The following CD9 variants were observed in gnomAD, a reference collection of about 807,000 sequenced individuals.
CD9 encodes the protein CD9 antigen.
A neutral mutation model predicts 31.4 loss-of-function variants in CD9; 10 were observed. The observed-to-expected ratio is 0.32, with a 90% CI of 0.20 to 0.54. CD9 has a LOEUF of 0.54. Ranked by LOEUF, CD9 falls within the 20% of genes least tolerant of loss-of-function variation. CD9 has a pLI of 0.94. For synonymous variants in CD9, 113 were observed against 114.1 expected (o/e 0.99, Z 0.06); for missense variants, 259 against 300.1 (o/e 0.86, Z 1.01).
intron 1 of CD9, among the ~76,000 whole-genome samples, chr12:6,221,690 C>T (rs747000490): frequency 9.2e-5 from 14 of 151,668 alleles, no homozygotes; most frequent in East Asian, 3.9e-4. Context: ...ATTAAAGTAG[C>T]TGAAGCTGGG....
intron 1 of CD9, among the ~76,000 whole-genome samples, chr12:6,213,556 G>C (rs1284253677): frequency 6.6e-6 from 1 of 152,156 alleles, no homozygotes; most frequent in Non-Finnish European, 1.5e-5. Flanking sequence ...CACCAAGAAG[G>C]GTGGCCTCAA....
intron 4 of CD9, chr12:6,234,296 AGAGATGCT>A (rs1946488150): frequency 6.6e-6 from 1 of 152,056 alleles, no homozygotes; most frequent in Admixed American, 6.6e-5. Flanking sequence ...GGGAAGGAAG[AGAGATGCT>A]GAGATGCTGG....
intron 1 of CD9, among the ~76,000 whole-genome samples, chr12:6,218,537 G>T (rs1946263802): frequency 6.6e-6 from 1 of 152,136 alleles, no homozygotes; most frequent in Non-Finnish European, 1.5e-5. Context: ...ACCTCCCCAG[G>T]TTCTAACTGG....
At chr12:6,219,102 T>A (rs1356541753) in intron 1 of CD9, among the ~76,000 whole-genome samples, 1 of 151,838 alleles carries the variant, frequency 6.6e-6, no homozygotes, top group African/African-American at 2.4e-5. Flanking sequence ...GGCTCCCGGG[T>A]TCAAGTGATT....
At chr12:6,201,238 A>G (rs1401626980) in intron 1 of CD9, among the ~76,000 whole-genome samples, 1 of 152,208 alleles carries the variant, frequency 6.6e-6, no homozygotes, top group Non-Finnish European at 1.5e-5. Flanking sequence ...ACTCCCTGGT[A>G]GCTCCCTGAA....
intron 1 of CD9, among the ~76,000 whole-genome samples, chr12:6,214,697 TGAG>T (rs1348247358): frequency 6.6e-6 from 1 of 151,930 alleles, no homozygotes; most frequent in East Asian, 1.9e-4. Context: ...CGGGGAGGTT[TGAG>T]GAGAAGTCCA....
At chr12:6,207,914 A>G (rs1479188063) in intron 1 of CD9, among the ~76,000 whole-genome samples, 1 of 152,220 alleles carries the variant, frequency 6.6e-6, no homozygotes, top group Non-Finnish European at 1.5e-5. Context: ...AGTGGCTCTT[A>G]TGAGCTCTGC....
chr12:6,201,939 G>T (rs527988556), intron 1 of CD9, among the ~76,000 whole-genome samples: 2 of 152,356 alleles, frequency 1.3e-5, no homozygotes, highest in East Asian at 3.9e-4. Context: ...TCAGGAGGCT[G>T]AGATGAGAGG....
At chr12:6,234,713 CTG>C (rs1946493165) in intron 4 of CD9, among the ~76,000 whole-genome samples, 1 of 152,224 alleles carries the variant, frequency 6.6e-6, no homozygotes, top group Non-Finnish European at 1.5e-5. Flanking sequence ...CAGATTTACT[CTG>C]TACTGGACAT....
At chr12:6,211,883 A>G (rs986349998) in intron 1 of CD9, among the ~76,000 whole-genome samples, 1 of 152,158 alleles carries the variant, frequency 6.6e-6, no homozygotes, top group Non-Finnish European at 1.5e-5. Flanking sequence ...CTCCCTCCCA[A>G]TCAGCCCCAA....
intron 2 of CD9, among the ~76,000 whole-genome samples, chr12:6,228,286 G>A (rs1263246687): frequency 1.3e-5 from 2 of 152,208 alleles, no homozygotes; most frequent in South Asian, 2.1e-4. Flanking sequence ...CAGGTGATCC[G>A]TCCGCCTCAG....
At chr12:6,205,706 C>T (rs979865548) in intron 1 of CD9, among the ~76,000 whole-genome samples, 1 of 152,208 alleles carries the variant, frequency 6.6e-6, no homozygotes, top group African/African-American at 2.4e-5. Flanking sequence ...GGGTTTGGAA[C>T]TTAATAATAC....
chr12:6,225,626 G>A, intron 2 of CD9, 92 bp downstream of exon 2: 1 of 779,638 alleles, frequency 1.3e-6, no homozygotes, highest in Non-Finnish European at 2.2e-6. Flanking sequence ...AGGGACTTGG[G>A]CTTGGGAAAG....
At chr12:6,228,421 G>A (rs772542206) in intron 2 of CD9, among the ~76,000 whole-genome samples, 41 of 151,882 alleles carry the variant, frequency 2.7e-4, no homozygotes, top group South Asian at 2.3e-3. Flanking sequence ...GCGTAGTGGC[G>A]TGCACCTATA....
intron 1 of CD9, among the ~76,000 whole-genome samples, chr12:6,215,077 C>T (rs1412915217): frequency 2.0e-5 from 3 of 152,110 alleles, no homozygotes; most frequent in Non-Finnish European, 4.4e-5. Context: ...GTTCCCTCCC[C>T]GTGGCTCACA....
chr12:6,214,837 G>T lies in CD9; in HGVS notation c.67-10589G>T, dbSNP rs548366183. 1.6e-4 allele frequency among the ~76,000 whole-genome samples: 24 copies of T among 152,180 alleles called. 1 individual carries two copies. The highest frequency in any genetic ancestry group is 1.0e-3 in the Admixed American group (16 of 15,280). ...TCTCACGGGCCCACTGAGTCACCAG[G>T]GCCTGTTACCAGAGGAGAGTTCACG... On this transcript the variant is annotated intron_variant, in intron 1 of 7. Transcript: ENST00000009180.
chr12:6,211,553 G>A (rs971204598), intron 1 of CD9, among the ~76,000 whole-genome samples: 2 of 152,244 alleles, frequency 1.3e-5, no homozygotes, highest in Non-Finnish European at 2.9e-5. Flanking sequence ...ACGCACGCAC[G>A]TGGCGGCCAA....
At chr12:6,223,012 A>G (rs761330659) in intron 1 of CD9, among the ~76,000 whole-genome samples, 2 of 152,250 alleles carry the variant, frequency 1.3e-5, no homozygotes, top group Non-Finnish European at 2.9e-5. Context: ...TAGAGCAAAA[A>G]GGACAGTAAT....
At position 6,218,752 on chromosome 12, in the gene CD9, G is replaced by A. The variant is rs150508938; in HGVS notation, c.67-6674G>A. Among the ~76,000 whole-genome samples the A allele has an allele frequency of 1.3e-3, 198 of 152,188 alleles. 1 individual carries two copies. The East Asian group carries it at 0.022, about 17-fold the overall frequency. Reference sequence around the variant, plus strand: ...GAGTCACTGAAATTCTCATCTTTGCGTGGGAGCCTTGGGTGAATTGTGCTC... The same window carrying A: ...GAGTCACTGAAATTCTCATCTTTGCATGGGAGCCTTGGGTGAATTGTGCTC... On this transcript the variant is annotated intron_variant, in intron 1 of 7. Coordinates refer to ENST00000009180, the MANE Select transcript of CD9 (RefSeq NM_001769.4).
Sources: gnomAD v4.1 joint callset for allele counts (sites outside exome capture counted in the v4.1 genomes callset) on GRCh38, gnomAD v4.1.1 for gene constraint, MANE v1.5 for transcripts, NCBI Gene and HGNC (gene_info 2026-07-23, HGNC 2026-07-21) for gene names.